Variants in PIK3C2G observed in about 807,000 individuals in gnomAD.
The protein encoded by PIK3C2G is phosphatidylinositol 3-kinase C2 domain-containing subunit gamma.
Under a neutral mutation model 181.1 loss-of-function variants are expected in PIK3C2G, and 168 were observed. The ratio of observed to expected loss-of-function variants is 0.93; its 90% confidence interval spans 0.82 to 1.05. The LOEUF is 1.05. Ranked by LOEUF, PIK3C2G falls within the 50% of genes least tolerant of loss-of-function variation. The probability of loss-of-function intolerance (pLI) is 0.00; values close to 1 mark genes in which losing one functional copy is unlikely to be tolerated. For synonymous variants in PIK3C2G, 573 were observed against 592.2 expected, an observed-to-expected ratio of 0.97 and a Z score of 0.47; for missense variants, 1,869 against 1,732.8, an observed-to-expected ratio of 1.08 and a Z score of -1.40.
chr12:18,699,957 A>C, the PIK3C2G span: 2 of 1,605,486 alleles, frequency 1.2e-6, no homozygotes, highest in Non-Finnish European at 1.7e-6. Context: ...TGGTCTAAAA[A>C]TAAAATGCAG....
At chr12:18,592,305 AG>A (rs1438574992) in intron 29 of PIK3C2G, among the ~76,000 whole-genome samples, 3 of 151,898 alleles carry the variant, frequency 2.0e-5, no homozygotes, top group Non-Finnish European at 4.4e-5. Context: ...CAAAAGGAAA[AG>A]GAGTCCACAA....
intron 30 of PIK3C2G, among the ~76,000 whole-genome samples, chr12:18,606,051 T>C (rs1948000314): frequency 6.6e-6 from 1 of 152,182 alleles, no homozygotes; most frequent in African/African-American, 2.4e-5. Context: ...AATAAGCCTC[T>C]CTACTCCTAC....
At chr12:18,681,233 G>A in the PIK3C2G span, among the ~76,000 whole-genome samples, 2 of 151,998 alleles carry the variant, frequency 1.3e-5, no homozygotes, top group Non-Finnish European at 2.9e-5. Flanking sequence ...GTCATTATCA[G>A]TTGTAAAGAA....
rs775253410 is a variant in PIK3C2G at position 18,421,029 on chromosome 12, G to C, written c.2404G>C (p.Val802Leu). 1 of 1,556,752 alleles carries C rather than the reference G, an allele frequency of 6.4e-7. No individual in the cohort carries two copies. Among genetic ancestry groups the C allele is most frequent in the East Asian group, 2.3e-5 (1 of 44,442 alleles). The change falls in exon 17 of 33, where the codon GTT becomes CTT. Residue 802 changes from valine (V) to leucine (L), a missense_variant. Transcript: ENST00000538779. ...DELLEYLPQL[V>L]QAVKFEWNLE... The stretch of plus-strand genomic sequence containing the variant: ...ACTACTGGAATATCTCCCACAGCTA[G>C]TTCAGGTAAGAATAGAAGAGTTGCT...
In PIK3C2G at chr12:18,286,834, AT is replaced by A; in HGVS notation, c.679-9del. 1 of 1,370,086 alleles carries A rather than the reference AT, an allele frequency of 7.3e-7. No individual in the cohort carries two copies. The highest frequency in any genetic ancestry group is 1.0e-6 in the Non-Finnish European group (1 of 1,002,794). 84.9% of individuals were successfully genotyped at this position (1,370,086 alleles called of 1,614,324 possible). A position where few individuals can be genotyped will look rare whatever the true frequency, so the allele number is the denominator to read the frequency against. The stretch of plus-strand genomic sequence containing the variant: ...TCTCCAAATTATATTAATTTAGTAG[AT>A]TTTATTTTAAGTCAATAGGTTGTTC... On this transcript the variant is annotated splice_polypyrimidine_tract_variant and intron_variant, in intron 2 of 32. Transcript: ENST00000538779.
At chr12:18,615,425 G>A (rs1174284854) in intron 31 of PIK3C2G, among the ~76,000 whole-genome samples, 1 of 145,280 alleles carries the variant, frequency 6.9e-6, no homozygotes, top group Admixed American at 7.0e-5. Flanking sequence ...CCTAAATGTG[G>A]TATATATATA....
At chr12:18,400,059 T>C (rs533256474) in intron 16 of PIK3C2G, among the ~76,000 whole-genome samples, 83 of 152,310 alleles carry the variant, frequency 5.4e-4, no homozygotes, top group African/African-American at 1.9e-3. Context: ...TGTAGTATAA[T>C]AAATTGTAGA....
intron 18 of PIK3C2G, among the ~76,000 whole-genome samples, chr12:18,465,589 G>A (rs986589590): frequency 6.6e-6 from 1 of 151,820 alleles, no homozygotes; most frequent in Admixed American, 6.6e-5. Context: ...TAGGTTGGCT[G>A]TTGTTTCCTT....
intron 18 of PIK3C2G, among the ~76,000 whole-genome samples, chr12:18,487,236 A>G (rs1940141633): frequency 6.6e-6 from 1 of 151,972 alleles, no homozygotes; most frequent in Non-Finnish European, 1.5e-5. Flanking sequence ...GGCTTCTAAT[A>G]ATGACAAAGG....
intron 1 of PIK3C2G, among the ~76,000 whole-genome samples, chr12:18,267,361 T>C (rs1225703001): frequency 6.6e-6 from 1 of 151,712 alleles, no homozygotes; most frequent in Non-Finnish European, 1.5e-5. Context: ...ACATGATTTC[T>C]TAATTTTATA....
At chr12:18,380,393 C>T (rs931981054) in intron 13 of PIK3C2G, among the ~76,000 whole-genome samples, 8 of 152,298 alleles carry the variant, frequency 5.3e-5, no homozygotes, top group African/African-American at 1.9e-4. Context: ...CCAAGTTTGG[C>T]ATTGGACATG....
chr12:18,527,623 G>A (rs987627782), intron 24 of PIK3C2G, among the ~76,000 whole-genome samples: 82 of 151,706 alleles, frequency 5.4e-4, no homozygotes, highest in Admixed American at 5.1e-3. Context: ...AATTCCATGC[G>A]AAACATAGCT....
intron 18 of PIK3C2G, among the ~76,000 whole-genome samples, chr12:18,432,659 T>C (rs1813792996): frequency 6.6e-6 from 1 of 152,234 alleles, no homozygotes; most frequent in Admixed American, 6.5e-5. Flanking sequence ...ATTATTCTTG[T>C]CTTCTAATAA....
intron 12 of PIK3C2G, among the ~76,000 whole-genome samples, chr12:18,367,845 C>T (rs1401689911): frequency 3.3e-5 from 5 of 152,136 alleles, no homozygotes; most frequent in Non-Finnish European, 7.3e-5. Flanking sequence ...TGAGCCACCA[C>T]CCCTGGCTGA....
At chr12:18,335,033 C>T (rs1181434247) in intron 8 of PIK3C2G, among the ~76,000 whole-genome samples, 1 of 152,068 alleles carries the variant, frequency 6.6e-6, no homozygotes, top group African/African-American at 2.4e-5. Context: ...CCCAGAGACA[C>T]ACAGAGCACA....
At chr12:18,559,811 T>TAGAGAGAGAGAGAG (rs1945232872) in intron 26 of PIK3C2G, among the ~76,000 whole-genome samples, 1 of 32,572 alleles carries the variant, frequency 3.1e-5, no homozygotes, top group African/African-American at 1.2e-4. Flanking sequence ...TATATATATA[T>TAGAGAGAGAGAGAG]ATATATATAT....
the PIK3C2G span, among the ~76,000 whole-genome samples, chr12:18,710,055 T>C: frequency 6.6e-6 from 1 of 151,720 alleles, no homozygotes; most frequent in African/African-American, 2.4e-5. Context: ...GGGTTTTTTG[T>C]GTGGAATCGT....
At chr12:18,660,375 T>C in the PIK3C2G span, among the ~76,000 whole-genome samples, 1 of 152,154 alleles carries the variant, frequency 6.6e-6, no homozygotes, top group South Asian at 2.1e-4. Flanking sequence ...TGGGAAGTTT[T>C]GTTGCAACTC....
At chr12:18,724,549 T>TG in the PIK3C2G span, among the ~76,000 whole-genome samples, 294 of 152,268 alleles carry the variant, frequency 1.9e-3, no homozygotes, top group Non-Finnish European at 3.0e-3. Flanking sequence ...TGTGTCATGG[T>TG]GGGATCTGTG....
Sources: allele counts gnomAD v4.1 joint callset (sites outside exome capture counted in the v4.1 genomes callset), GRCh38; gene constraint gnomAD v4.1.1; transcripts MANE v1.5; gene names NCBI Gene and HGNC (gene_info 2026-07-23, HGNC 2026-07-21).